MALRD1: variants seen among roughly 807,000 people sequenced by gnomAD.
MALRD1 encodes the protein MAM and LDL receptor class A domain containing 1, also known as MAM and LDL-receptor class A domain-containing protein 1.
Under a neutral mutation model 242.1 loss-of-function variants are expected in MALRD1, and 247 were observed. The ratio of observed to expected loss-of-function variants is 1.02; its 90% CI spans 0.92 to 1.13. The LOEUF is 1.13. Among genes scored for constraint, MALRD1 ranks in the 50% most tolerant of loss-of-function variants. MALRD1 has a pLI of 0.00. For missense variants in MALRD1, 2,989 were observed against 2,533.1 expected (o/e 1.18, Z -3.86); for synonymous variants, 995 against 866.6 (o/e 1.15, Z -2.60).
chr10:19,178,077 A>T (rs542050561), intron 14 of MALRD1, among the ~76,000 whole-genome samples: 1 of 152,246 alleles, frequency 6.6e-6, no homozygotes, highest in African/African-American at 2.4e-5. Flanking sequence ...AAAGGTTTTA[A>T]ATCATTACTA....
At chr10:19,227,588 A>G (rs370780662) in intron 18 of MALRD1, among the ~76,000 whole-genome samples, 7 of 152,100 alleles carry the variant, frequency 4.6e-5, no homozygotes, top group Admixed American at 2.6e-4. Context: ...AGGATGGATG[A>G]AAATGGAAAA....
chr10:19,524,353 T>C (rs1834003343), intron 31 of MALRD1, among the ~76,000 whole-genome samples: 1 of 152,076 alleles, frequency 6.6e-6, no homozygotes, highest in Non-Finnish European at 1.5e-5. Context: ...GGTGCGTGCC[T>C]GTAGTCCCAG....
At chr10:19,224,052 G>A (rs936692213) in intron 18 of MALRD1, among the ~76,000 whole-genome samples, 1 of 152,098 alleles carries the variant, frequency 6.6e-6, no homozygotes, top group Non-Finnish European at 1.5e-5. Context: ...ATAATCCTTT[G>A]GATGTGTACC....
chr10:19,700,271 C>T (rs1833566502), intron 38 of MALRD1, among the ~76,000 whole-genome samples: 1 of 152,150 alleles, frequency 6.6e-6, no homozygotes, highest in South Asian at 2.1e-4. Flanking sequence ...GGGCATGCTT[C>T]AGAGCCAGAA....
chr10:19,273,190 C>G (rs1396216510), intron 19 of MALRD1, among the ~76,000 whole-genome samples: 1 of 151,926 alleles, frequency 6.6e-6, no homozygotes, highest in African/African-American at 2.4e-5. Context: ...TTTACAATCT[C>G]AATAATTTTC....
intron 29 of MALRD1, among the ~76,000 whole-genome samples, chr10:19,455,159 A>C (rs1245942734): frequency 6.6e-6 from 1 of 152,206 alleles, no homozygotes; most frequent in Admixed American, 6.5e-5. Context: ...TTTTTATTCA[A>C]GTTGGTTTAA....
intron 18 of MALRD1, among the ~76,000 whole-genome samples, chr10:19,246,363 A>G (rs1241309167): frequency 2.0e-5 from 3 of 152,268 alleles, no homozygotes; most frequent in African/African-American, 2.4e-5. Flanking sequence ...TGTCCAGGTC[A>G]CTGAAGACCA....
intron 36 of MALRD1, among the ~76,000 whole-genome samples, chr10:19,665,932 C>G (rs1204615282): frequency 6.6e-6 from 1 of 151,256 alleles, no homozygotes; most frequent in Non-Finnish European, 1.5e-5. Flanking sequence ...CAGGCTGTCC[C>G]TGGAGGACAG....
At chr10:19,724,323 A>G (rs577088555) in intron 38 of MALRD1, among the ~76,000 whole-genome samples, 2 of 152,348 alleles carry the variant, frequency 1.3e-5, no homozygotes, top group East Asian at 1.9e-4. Flanking sequence ...CAAAAATGGC[A>G]ATCAATTTAG....
intron 2 of MALRD1, among the ~76,000 whole-genome samples, chr10:19,087,341 G>A (rs2358303): frequency 0.22 from 32,907 of 151,940 alleles, 4,207 homozygotes; most frequent in Non-Finnish European, 0.29. Flanking sequence ...ATATTATAGG[G>A]AGTATATAAT....
intron 11 of MALRD1, 48 bp downstream of exon 11, chr10:19,146,392 T>C (rs1311888960): frequency 8.3e-7 from 1 of 1,201,268 alleles, no homozygotes; most frequent in Non-Finnish European, 1.0e-6. Context: ...TTCTTGCATG[T>C]TGTGGAATGA....
chr10:19,409,444 G>C (rs535596575), intron 28 of MALRD1, among the ~76,000 whole-genome samples: 1 of 151,912 alleles, frequency 6.6e-6, no homozygotes. Context: ...AACAGAGTGA[G>C]ACCCCATCTT....
At chr10:19,632,469 G>C (rs987594040) in intron 36 of MALRD1, among the ~76,000 whole-genome samples, 3 of 152,076 alleles carry the variant, frequency 2.0e-5, no homozygotes, top group South Asian at 2.1e-4. Context: ...TGATGCTGGT[G>C]AATCTTTTCA....
chr10:19,219,663 ATCT>A (rs1309114392), intron 18 of MALRD1, among the ~76,000 whole-genome samples: 1 of 152,100 alleles, frequency 6.6e-6, no homozygotes, highest in Non-Finnish European at 1.5e-5. Flanking sequence ...AGCTCAAGAG[ATCT>A]TCTCACCTTG....
At chr10:19,061,327 T>G (rs1196364696) in intron 1 of MALRD1, among the ~76,000 whole-genome samples, 5 of 152,202 alleles carry the variant, frequency 3.3e-5, no homozygotes, top group African/African-American at 1.2e-4. Context: ...ATTGGAAGAT[T>G]TAATATTGCT....
chr10:19,571,450 G>A (rs1836534822), intron 33 of MALRD1, among the ~76,000 whole-genome samples: 2 of 152,072 alleles, frequency 1.3e-5, no homozygotes, highest in Admixed American at 1.3e-4. Context: ...TTAGTACTTA[G>A]CAAGGAAAAC....
intron 29 of MALRD1, among the ~76,000 whole-genome samples, chr10:19,487,543 C>T (rs1837291237): frequency 2.0e-5 from 3 of 147,334 alleles, no homozygotes; most frequent in Admixed American, 1.4e-4. Flanking sequence ...TTTATAAAAG[C>T]CAAAGAACCA....
chr10:19,548,248 C>A (rs2358416), intron 32 of MALRD1, among the ~76,000 whole-genome samples: 19 of 151,914 alleles, frequency 1.3e-4, no homozygotes, highest in Admixed American at 3.9e-4. Context: ...ATTTGCCCCC[C>A]TCTGCCGCCC....
intron 28 of MALRD1, among the ~76,000 whole-genome samples, chr10:19,394,525 G>GTGGA (rs1246017363): frequency 6.6e-6 from 1 of 152,094 alleles, no homozygotes; most frequent in African/African-American, 2.4e-5. Context: ...GTCATTCTGG[G>GTGGA]TCCACTTTTA....
Sources: allele counts gnomAD v4.1 joint callset (sites outside exome capture counted in the v4.1 genomes callset), GRCh38; gene constraint gnomAD v4.1.1; transcripts MANE v1.5; gene names NCBI Gene and HGNC (gene_info 2026-07-23, HGNC 2026-07-21).